The following LONP2 variants were observed in gnomAD, a reference collection of about 807,000 sequenced individuals.
LONP2 encodes lon protease homolog 2, peroxisomal.
In LONP2, 60 loss-of-function variants were observed where a neutral mutation model predicts 85.6. The observed-to-expected ratio is 0.70, with a 90% CI of 0.57 to 0.87. LONP2 has a LOEUF of 0.87. LONP2 is among the 40% of genes least tolerant of loss of function. The pLI is 0.00. For synonymous variants in LONP2, 395 were observed against 389.7 expected, an observed-to-expected ratio of 1.01 and a Z score of -0.16; for missense variants, 860 against 1,063.5, an observed-to-expected ratio of 0.81 and a Z score of 2.66.
chr16:48,323,997 A>G (rs538508876), intron 11 of LONP2, among the ~76,000 whole-genome samples: 8 of 152,360 alleles, frequency 5.3e-5, no homozygotes, highest in East Asian at 1.9e-4. Flanking sequence ...ACTTAGCACA[A>G]TTCCTCTGGC....
At chr16:48,282,966 C>A (rs906123133) in intron 8 of LONP2, among the ~76,000 whole-genome samples, 1 of 152,124 alleles carries the variant, frequency 6.6e-6, no homozygotes, top group Non-Finnish European at 1.5e-5. Context: ...AGTGAACACA[C>A]CAATGATAAG....
chr16:48,347,437 G>GC (rs1819684403), intron 12 of LONP2, 70 bp from the exon 13 acceptor site: 1 of 1,484,430 alleles, frequency 6.7e-7, no homozygotes, highest in South Asian at 1.1e-5. Flanking sequence ...GCCGACTCTT[G>GC]CAGGATTGTG....
chr16:48,270,564 G>GTCTTTACA (rs1238297178), intron 7 of LONP2, among the ~76,000 whole-genome samples: 1 of 152,046 alleles, frequency 6.6e-6, no homozygotes, highest in East Asian at 1.9e-4. Flanking sequence ...ATATTATTAT[G>GTCTTTACA]TCTTTACACT....
intron 11 of LONP2, among the ~76,000 whole-genome samples, chr16:48,328,728 C>T (rs1959336204): frequency 6.7e-6 from 1 of 150,334 alleles, no homozygotes; most frequent in South Asian, 2.1e-4. Flanking sequence ...ACCTGTAATC[C>T]CAGCTACTTG....
At chr16:48,281,141 GGTA>G (rs1972318317) in intron 8 of LONP2, among the ~76,000 whole-genome samples, 2 of 152,008 alleles carry the variant, frequency 1.3e-5, no homozygotes, top group Admixed American at 6.6e-5. Context: ...ATATTATTAA[GGTA>G]ATATAGCCCA....
chr16:48,289,463 C>T (rs988998112), intron 8 of LONP2, among the ~76,000 whole-genome samples: 1 of 152,164 alleles, frequency 6.6e-6, no homozygotes, highest in Non-Finnish European at 1.5e-5. Context: ...AGGGGGCAAT[C>T]AGGTTTACCT....
At chr16:48,325,805 A>G (rs1973357181) in intron 11 of LONP2, among the ~76,000 whole-genome samples, 1 of 152,178 alleles carries the variant, frequency 6.6e-6, no homozygotes, top group Non-Finnish European at 1.5e-5. Context: ...TGATAGTTCA[A>G]CTTTTAGATT....
At chr16:48,274,958 G>A (rs1972176405) in intron 7 of LONP2, among the ~76,000 whole-genome samples, 1 of 152,112 alleles carries the variant, frequency 6.6e-6, no homozygotes. Flanking sequence ...AAGAGTGGAT[G>A]GTGAAATGCC....
intron 12 of LONP2, 72 bp from the exon 13 acceptor site, chr16:48,347,435 T>C (rs529961130): frequency 1.8e-5 from 27 of 1,475,786 alleles, no homozygotes; most frequent in Admixed American, 3.4e-5. Flanking sequence ...CAGCCGACTC[T>C]TGCAGGATTG....
At chr16:48,341,865 C>T (rs1959820217) in intron 12 of LONP2, among the ~76,000 whole-genome samples, 1 of 152,156 alleles carries the variant, frequency 6.6e-6, no homozygotes, top group Non-Finnish European at 1.5e-5. Flanking sequence ...GCTATCACGG[C>T]AAGACTCAGA....
At chr16:48,308,628 C>CAA (rs545067276) in intron 11 of LONP2, among the ~76,000 whole-genome samples, 86 of 68,798 alleles carry the variant, frequency 1.3e-3, no homozygotes, top group African/African-American at 2.9e-3. Flanking sequence ...GACTCTGTCT[C>CAA]AAAAAAAAAA....
chr16:48,318,239 C>T (rs903772818), intron 11 of LONP2, among the ~76,000 whole-genome samples: 5 of 152,108 alleles, frequency 3.3e-5, no homozygotes, highest in Admixed American at 3.3e-4. Context: ...GCATCAAAAG[C>T]CAGGTGTGGT....
chr16:48,250,596 T>C (rs1048138052), intron 1 of LONP2, among the ~76,000 whole-genome samples: 2 of 152,356 alleles, frequency 1.3e-5, no homozygotes, highest in East Asian at 1.9e-4. Flanking sequence ...CTCATCTCTC[T>C]TTCTGGTTCC....
chr16:48,340,288 C>T (rs141012162), intron 12 of LONP2, among the ~76,000 whole-genome samples: 4 of 152,310 alleles, frequency 2.6e-5, no homozygotes, highest in African/African-American at 9.6e-5. Flanking sequence ...CACGTTATCA[C>T]AGAGTTCAAA....
chr16:48,274,607 C>T (rs1230385779), intron 7 of LONP2, among the ~76,000 whole-genome samples: 1 of 151,750 alleles, frequency 6.6e-6, no homozygotes, highest in Non-Finnish European at 1.5e-5. Context: ...TCATTAGGAT[C>T]TTTTTTAAAC....
At chr16:48,305,522 T>C (rs1972896086) in intron 11 of LONP2, among the ~76,000 whole-genome samples, 1 of 152,236 alleles carries the variant, frequency 6.6e-6, no homozygotes, top group Admixed American at 6.5e-5. Flanking sequence ...GCCAAAGTGC[T>C]GGGATTACAG....
At chr16:48,348,648 A>G (rs960943526) in intron 14 of LONP2, among the ~76,000 whole-genome samples, 7 of 151,946 alleles carry the variant, frequency 4.6e-5, no homozygotes, top group African/African-American at 1.7e-4. Context: ...GCACGCCACC[A>G]TGCTCAGCTA....
At chr16:48,321,393 G>A (rs73551482) in intron 11 of LONP2, among the ~76,000 whole-genome samples, 2,398 of 152,222 alleles carry the variant, frequency 0.016, 54 homozygotes, top group African/African-American at 0.053. Flanking sequence ...CTGAAAACAG[G>A]GGTGCAAACT....
intron 6 of LONP2, among the ~76,000 whole-genome samples, chr16:48,264,379 G>GA (rs1217990869): frequency 3.9e-5 from 6 of 152,136 alleles, no homozygotes; most frequent in African/African-American, 1.4e-4. Context: ...TCCATGCTGA[G>GA]AAAAAAGAAT....
Sources: allele counts gnomAD v4.1 joint callset (sites outside exome capture counted in the v4.1 genomes callset), GRCh38; gene constraint gnomAD v4.1.1; transcripts MANE v1.5; gene names NCBI Gene and HGNC (gene_info 2026-07-23, HGNC 2026-07-21).